The following LGR5 variants were observed in gnomAD, a reference collection of about 807,000 sequenced individuals.
The protein encoded by LGR5 is leucine-rich repeat-containing G protein-coupled receptor 5.
In LGR5, 54 loss-of-function variants were observed where a neutral mutation model predicts 76.7. The observed-to-expected ratio is 0.70, with a 90% CI of 0.57 to 0.88. The LOEUF (loss-of-function observed/expected upper bound fraction) is 0.88. Among genes scored for constraint, LGR5 ranks in the 40% least tolerant of loss-of-function variants. The probability of loss-of-function intolerance (pLI) is 0.00; values close to 1 mark genes in which losing one functional copy is unlikely to be tolerated. For synonymous variants in LGR5, 406 were observed against 421.9 expected (o/e 0.96, Z 0.46); for missense variants, 1,078 against 1,073.3 (o/e 1.00, Z -0.06).
At chr12:71,487,052 T>G (rs1456240909) in intron 1 of LGR5, among the ~76,000 whole-genome samples, 2 of 152,148 alleles carry the variant, frequency 1.3e-5, no homozygotes, top group African/African-American at 4.8e-5. Context: ...CCTTTATATA[T>G]TTTGTTGTCA....
intron 1 of LGR5, among the ~76,000 whole-genome samples, chr12:71,451,780 A>G (rs572961594): frequency 4.3e-4 from 65 of 152,298 alleles, no homozygotes; most frequent in African/African-American, 1.5e-3. Flanking sequence ...GTGCTTTGAC[A>G]TCTTGGAGCC....
At chr12:71,522,961 C>G (rs1875799817) in intron 2 of LGR5, among the ~76,000 whole-genome samples, 1 of 152,120 alleles carries the variant, frequency 6.6e-6, no homozygotes, top group African/African-American at 2.4e-5. Flanking sequence ...TTGGAGAGGT[C>G]CTAGGACCTT....
chr12:71,548,669 C>A (rs1877319716), intron 4 of LGR5, among the ~76,000 whole-genome samples: 1 of 151,882 alleles, frequency 6.6e-6, no homozygotes, highest in Non-Finnish European at 1.5e-5. Flanking sequence ...AGAAAGCAAC[C>A]CTATAAGATG....
chr12:71,576,913 G>A (rs1878880956), intron 13 of LGR5, among the ~76,000 whole-genome samples: 1 of 152,152 alleles, frequency 6.6e-6, no homozygotes, highest in Non-Finnish European at 1.5e-5. Flanking sequence ...GCCGCCATTT[G>A]TAGCTTTTCT....
At chr12:71,541,945 G>C (rs1372340110) in intron 4 of LGR5, among the ~76,000 whole-genome samples, 1 of 152,122 alleles carries the variant, frequency 6.6e-6, no homozygotes, top group African/African-American at 2.4e-5. Flanking sequence ...AAGAAGGAAA[G>C]GCTTAACAGA....
intron 4 of LGR5, among the ~76,000 whole-genome samples, chr12:71,552,143 T>TA (rs1285177952): frequency 7.2e-5 from 11 of 151,974 alleles, no homozygotes; most frequent in South Asian, 2.1e-4. Flanking sequence ...ATGTGGGGCT[T>TA]AAAACCTAGA....
intron 12 of LGR5, among the ~76,000 whole-genome samples, chr12:71,572,151 C>T (rs1413980497): frequency 3.3e-5 from 5 of 150,262 alleles, no homozygotes; most frequent in Non-Finnish European, 5.9e-5. Context: ...GGCGTGATCT[C>T]GGCTCACTGC....
At position 71,471,647 on chromosome 12, in the gene LGR5, T is replaced by G. The variant is rs1035008263; in HGVS notation, c.212+31355T>G. ...AGCTCAATAAAGCTGTTTTGTTTTT[T>G]TTTTTTTAAGAGTGAGGGCTCTAAG... On this transcript the variant is annotated intron_variant, in intron 1 of 17. Transcript: ENST00000266674. 4.6e-5 allele frequency among the ~76,000 whole-genome samples: 7 copies of G among 152,234 alleles called. No individual in the cohort carries two copies. In the East Asian group the frequency reaches 1.2e-3, roughly 25 times the overall value.
intron 1 of LGR5, among the ~76,000 whole-genome samples, chr12:71,490,003 C>T (rs949752302): frequency 2.0e-5 from 3 of 151,984 alleles, no homozygotes; most frequent in African/African-American, 4.8e-5. Context: ...AATGGTGGCA[C>T]ATGCCTGTTG....
chr12:71,445,810 A>T (rs1871963633), intron 1 of LGR5, among the ~76,000 whole-genome samples: 1 of 152,216 alleles, frequency 6.6e-6, no homozygotes, highest in African/African-American at 2.4e-5. Context: ...AAACTATTCA[A>T]AAGATGTTTC....
chr12:71,545,929 A>T (rs1055061924), intron 4 of LGR5, among the ~76,000 whole-genome samples: 1 of 152,224 alleles, frequency 6.6e-6, no homozygotes, highest in Non-Finnish European at 1.5e-5. Flanking sequence ...TAAAAGAGAA[A>T]ATTTGCATTA....
intron 1 of LGR5, among the ~76,000 whole-genome samples, chr12:71,481,512 T>C (rs1873600884): frequency 6.6e-6 from 1 of 152,192 alleles, no homozygotes; most frequent in Non-Finnish European, 1.5e-5. Flanking sequence ...GGCATGTGGG[T>C]TGGTTCCAAG....
At chr12:71,512,949 G>A (rs1170228350) in intron 2 of LGR5, among the ~76,000 whole-genome samples, 1 of 152,208 alleles carries the variant, frequency 6.6e-6, no homozygotes, top group Non-Finnish European at 1.5e-5. Flanking sequence ...TGAGAACCCT[G>A]AGAGAGAAAC....
At chr12:71,548,330 G>GTGTGTGTGTGTGTGTGT (rs1237930728) in intron 4 of LGR5, among the ~76,000 whole-genome samples, 1 of 37,672 alleles carries the variant, frequency 2.7e-5, no homozygotes. Flanking sequence ...TGTGTGCGTA[G>GTGTGTGTGTGTGTGTGT]ATACATATAC....
intron 2 of LGR5, among the ~76,000 whole-genome samples, chr12:71,505,190 G>C (rs986790231): frequency 6.6e-6 from 1 of 152,066 alleles, no homozygotes; most frequent in African/African-American, 2.4e-5. Flanking sequence ...TTCCCTCAAG[G>C]CTTCAGTAGA....
chr12:71,541,014 T>C (rs1876848722), intron 4 of LGR5, among the ~76,000 whole-genome samples: 1 of 152,148 alleles, frequency 6.6e-6, no homozygotes, highest in Non-Finnish European at 1.5e-5. Context: ...TAGGTACGTA[T>C]TGGGATGGAG....
At chr12:71,583,283 A>G (rs888880844) in intron 17 of LGR5, among the ~76,000 whole-genome samples, 4 of 152,318 alleles carry the variant, frequency 2.6e-5, no homozygotes, top group Middle Eastern at 3.4e-3. Flanking sequence ...TTGTCTGCCT[A>G]TGGAAACTTA....
At chr12:71,443,199 G>A (rs563415520) in intron 1 of LGR5, among the ~76,000 whole-genome samples, 1 of 152,348 alleles carries the variant, frequency 6.6e-6, no homozygotes, top group Admixed American at 6.5e-5. Flanking sequence ...ACCACAATCT[G>A]AGAGCTGGCT....
chr12:71,579,577 T>C (rs1293772296), intron 15 of LGR5, among the ~76,000 whole-genome samples: 1 of 152,214 alleles, frequency 6.6e-6, no homozygotes, highest in East Asian at 1.9e-4. Flanking sequence ...AGGCATGCAA[T>C]ATGTAATAAG....
Sources: gnomAD v4.1 joint callset for allele counts (sites outside exome capture counted in the v4.1 genomes callset) on GRCh38, gnomAD v4.1.1 for gene constraint, MANE v1.5 for transcripts, NCBI Gene and HGNC (gene_info 2026-07-23, HGNC 2026-07-21) for gene names.